BRAF: variants seen among roughly 807,000 people sequenced by gnomAD.
BRAF encodes serine/threonine-protein kinase B-raf.
BRAF carries 16 observed loss-of-function variants against 104.6 expected under a neutral mutation model. That is an observed-to-expected ratio of 0.15 (90% CI 0.10 to 0.23). The LOEUF is 0.23. BRAF is among the 10% of genes least tolerant of loss of function. BRAF has a pLI of 1.00. For missense variants in BRAF, 541 were observed against 937.3 expected (o/e 0.58, Z 5.52); for synonymous variants, 310 against 341.6 (o/e 0.91, Z 1.02).
At chr7:140,833,503 G>A (rs1401623917) in intron 3 of BRAF, among the ~76,000 whole-genome samples, 1 of 152,094 alleles carries the variant, frequency 6.6e-6, no homozygotes, top group African/African-American at 2.4e-5. Flanking sequence ...GGGCATCCCT[G>A]GAAAGATATG....
chr7:140,720,946 C>T lies in BRAF; in HGVS notation c.*5548G>A, dbSNP rs940517371. Reference sequence around the variant, plus strand: ...CATATGTGCTGTACATGAGAACCAGCGGTCACGGTGCTGGAGAATGAACTC... The same window carrying T: ...CATATGTGCTGTACATGAGAACCAGTGGTCACGGTGCTGGAGAATGAACTC... On this transcript the variant is annotated 3_prime_UTR_variant, in exon 20 of 20. Coordinates refer to ENST00000644969, the MANE Select transcript of BRAF (RefSeq NM_001374258.1). The T allele has an allele frequency of 9.4e-6, 10 of 1,064,932 alleles. No individual in the cohort carries two copies. Among genetic ancestry groups the T allele is most frequent in the Middle Eastern group, 4.1e-4 (1 of 2,418 alleles). 66.0% of individuals were successfully genotyped at this position (1,064,932 alleles called of 1,614,324 possible).
At chr7:140,733,970 G>A (rs1345631247) in intron 19 of BRAF, 7 of 1,016,578 alleles carry the variant, frequency 6.9e-6, no homozygotes, top group East Asian at 6.8e-5. Flanking sequence ...CATGTCAAAC[G>A]TGCCACTCCT....
At chr7:140,825,277 C>G (rs773783362) in intron 3 of BRAF, among the ~76,000 whole-genome samples, 13 of 152,106 alleles carry the variant, frequency 8.5e-5, no homozygotes, top group Non-Finnish European at 1.6e-4. Context: ...CATTTGTTTT[C>G]TTACTATTGA....
chr7:140,753,780 A>C (rs1797979058), intron 15 of BRAF: 2 of 312,718 alleles, frequency 6.4e-6, no homozygotes, highest in East Asian at 7.9e-5. Context: ...CTTAGTCTGC[A>C]CTTAGGGAAG....
chr7:140,906,702 G>C (rs1182305062), intron 1 of BRAF, among the ~76,000 whole-genome samples: 1 of 152,138 alleles, frequency 6.6e-6, no homozygotes, highest in East Asian at 1.9e-4. Flanking sequence ...TCATTGTAGA[G>C]GGATAATTCT....
At chr7:140,822,997 T>A (rs533870005) in intron 3 of BRAF, among the ~76,000 whole-genome samples, 4 of 152,078 alleles carry the variant, frequency 2.6e-5, no homozygotes, top group Admixed American at 1.3e-4. Context: ...TAATTAAAAA[T>A]TTTTTTTGTA....
chr7:140,778,148 T>C, intron 12 of BRAF, 73 bp from the exon 12 acceptor site: 1 of 1,358,568 alleles, frequency 7.4e-7, no homozygotes, highest in Non-Finnish European at 1.0e-6. Flanking sequence ...TCTTGGGTGT[T>C]TTCACTAATT....
intron 1 of BRAF, among the ~76,000 whole-genome samples, chr7:140,917,374 TTTTATATGACTCCA>T (rs1817739148): frequency 6.6e-6 from 1 of 152,166 alleles, no homozygotes. Context: ...CTGATATGAC[TTTTATATGACTCCA>T]TTTATATGAC....
At chr7:140,727,169 A>G (rs1350230037) in intron 19 of BRAF, among the ~76,000 whole-genome samples, 4 of 145,440 alleles carry the variant, frequency 2.8e-5, no homozygotes, top group African/African-American at 1.1e-4. Context: ...TGGGGGCTTC[A>G]TGCCATTATT....
chr7:140,754,030 C>T (rs534479779), intron 15 of BRAF, 157 bp downstream of exon 14: 1 of 751,302 alleles, frequency 1.3e-6, no homozygotes, highest in African/African-American at 1.7e-5. Context: ...GCTGTGGTAT[C>T]CTGCTCTCCT....
chr7:140,714,566 G>A (rs1404529043), downstream of BRAF, among the ~76,000 whole-genome samples: 1 of 152,140 alleles, frequency 6.6e-6, no homozygotes, highest in Non-Finnish European at 1.5e-5. Flanking sequence ...AGTCTGTGTT[G>A]CCCAAGCTGG....
At chr7:140,861,635 C>T (rs940011150) in intron 1 of BRAF, among the ~76,000 whole-genome samples, 2 of 152,140 alleles carry the variant, frequency 1.3e-5, no homozygotes, top group African/African-American at 4.8e-5. Context: ...TGTGCATGGG[C>T]ATGATAAACA....
Position 140,781,623 on chromosome 7 carries a change from C to A in BRAF, c.1505G>T (p.Arg502Ile), listed in dbSNP as rs180177032. 1 of 1,614,106 alleles carries A rather than the reference C, an allele frequency of 6.2e-7. No homozygotes were observed. The highest frequency in any genetic ancestry group is 8.5e-7 in the Non-Finnish European group (1 of 1,180,004). Residue 502 changes from arginine (R) to isoleucine (I), a missense_variant, in exon 12 of 20, where the codon AGA (arginine) becomes ATA (isoleucine). Arg to Ile is a moderately conservative substitution (Grantham distance 97). This residue lies in a region of BRAF where 109 missense variants were observed against 143.9 expected (regional missense o/e 0.76). Transcript: ENST00000644969. ...TGTTCCAAATGATCCAGATCCAATT[C>A]TTTGTCCCACTGTAATCTGCCCATC... The part of the protein sequence containing the change: ...IPDGQITVGQ[R>I]IGSGSFGTVY...
At chr7:140,908,156 G>C (rs755964136) in intron 1 of BRAF, among the ~76,000 whole-genome samples, 28 of 152,124 alleles carry the variant, frequency 1.8e-4, no homozygotes, top group Non-Finnish European at 3.7e-4. Context: ...AGATTTTATA[G>C]ATCTGTTTCT....
intron 3 of BRAF, among the ~76,000 whole-genome samples, chr7:140,827,084 T>C (rs971966189): frequency 6.6e-6 from 1 of 151,174 alleles, no homozygotes; most frequent in Admixed American, 6.6e-5. Context: ...CTCTATCCCC[T>C]GTGTTTCTTA....
chr7:140,726,097 G>C lies in BRAF; in HGVS notation c.*397C>G. On this transcript the variant is annotated 3_prime_UTR_variant, in exon 20 of 20. Transcript: ENST00000644969. ...GGTGATTGAAACTGCCCCATCAGAT[G>C]ATCAGCCACAAATTGATCTGGTGGT... The C allele has an allele frequency of 9.2e-7, 1 of 1,087,704 alleles. No homozygotes were observed. The highest frequency in any genetic ancestry group is 4.3e-5 in the South Asian group (1 of 23,260). 67.4% of individuals were successfully genotyped at this position (1,087,704 alleles called of 1,614,324 possible).
chr7:140,826,421 T>G (rs1806057445), intron 3 of BRAF, among the ~76,000 whole-genome samples: 1 of 152,236 alleles, frequency 6.6e-6, no homozygotes, highest in African/African-American at 2.4e-5. Context: ...CATCGAAATT[T>G]TCTTAGATTC....
At chr7:140,749,064 A>C in intron 17 of BRAF, 1 of 507,744 alleles carries the variant, frequency 2.0e-6, no homozygotes, top group South Asian at 2.2e-5. Context: ...TAGTCAGAAA[A>C]TCAGGAATTT....
At chr7:140,819,293 C>A (rs568751583) in intron 3 of BRAF, among the ~76,000 whole-genome samples, 1 of 152,120 alleles carries the variant, frequency 6.6e-6, no homozygotes, top group Non-Finnish European at 1.5e-5. Context: ...CTTCACATTA[C>A]TAGTCATAAG....
Sources: gnomAD v4.1 joint callset for allele counts (sites outside exome capture counted in the v4.1 genomes callset) on GRCh38, gnomAD v4.1.1 for gene constraint, gnomAD v4.1.1 regional missense constraint, MANE v1.5 for transcripts, NCBI Gene and HGNC (gene_info 2026-07-23, HGNC 2026-07-21) for gene names.